Variants in NCKAP5 observed in about 807,000 individuals in gnomAD.
The protein encoded by NCKAP5 is nck-associated protein 5.
Under a neutral mutation model 167.0 loss-of-function variants are expected in NCKAP5, and 92 were observed. The ratio of observed to expected loss-of-function variants is 0.55; its 90% CI spans 0.47 to 0.66. NCKAP5 has a LOEUF of 0.66. NCKAP5 is among the 30% of genes least tolerant of loss of function. The pLI is 0.00. For synonymous variants in NCKAP5, 891 were observed against 877.4 expected, an observed-to-expected ratio of 1.02 and a Z score of -0.27; for missense variants, 2,378 against 2,315.0, an observed-to-expected ratio of 1.03 and a Z score of -0.56.
At chr2:133,586,068 G>A in the NCKAP5 span, among the ~76,000 whole-genome samples, 15 of 152,284 alleles carry the variant, frequency 9.9e-5, no homozygotes, top group South Asian at 6.2e-4. Flanking sequence ...CAGATTTGGC[G>A]TTTCCTTCTC....
At chr2:133,647,194 G>A in the NCKAP5 span, among the ~76,000 whole-genome samples, 1 of 151,786 alleles carries the variant, frequency 6.6e-6, no homozygotes, top group African/African-American at 2.4e-5. Flanking sequence ...AAATTCAGCT[G>A]GGCATGGTTG....
At chr2:133,321,245 C>T (rs1317686603) in intron 3 of NCKAP5, among the ~76,000 whole-genome samples, 1 of 152,194 alleles carries the variant, frequency 6.6e-6, no homozygotes, top group Non-Finnish European at 1.5e-5. Context: ...ATCCCACCCT[C>T]ACCCAATCTG....
intron 3 of NCKAP5, among the ~76,000 whole-genome samples, chr2:133,461,191 G>C (rs565492250): frequency 1.3e-5 from 2 of 152,190 alleles, no homozygotes; most frequent in African/African-American, 2.4e-5. Context: ...TGGGAGGAAG[G>C]ACCTCCAAAT....
intron 3 of NCKAP5, among the ~76,000 whole-genome samples, chr2:133,418,192 A>G (rs1226760951): frequency 6.6e-6 from 1 of 152,194 alleles, no homozygotes; most frequent in African/African-American, 2.4e-5. Flanking sequence ...ACCTTGCTTT[A>G]ATGATTTACT....
At chr2:132,972,670 G>T (rs1445033594) in intron 7 of NCKAP5, among the ~76,000 whole-genome samples, 2 of 152,020 alleles carry the variant, frequency 1.3e-5, no homozygotes, top group African/African-American at 4.8e-5. Flanking sequence ...GATCATCTTG[G>T]CCAACATGGT....
At chr2:133,008,678 T>A (rs1452542547) in intron 6 of NCKAP5, among the ~76,000 whole-genome samples, 1 of 152,176 alleles carries the variant, frequency 6.6e-6, no homozygotes, top group Non-Finnish European at 1.5e-5. Flanking sequence ...GCATGCTTGA[T>A]CTTTAGGAAC....
intron 6 of NCKAP5, among the ~76,000 whole-genome samples, chr2:133,050,084 C>G (rs574942772): frequency 6.6e-6 from 1 of 152,300 alleles, no homozygotes. Flanking sequence ...ACCCATTGTT[C>G]TTCCTGGTAA....
rs111841479 is a variant in NCKAP5, at chr2:133,197,222, C to T, written c.207+16494G>A. Reference sequence around the variant, plus strand: ...ATGAAGTACTATGCTTGCCTCTGAGCTACACCTATGTGGATCTGATCATAA... The same window carrying T: ...ATGAAGTACTATGCTTGCCTCTGAGTTACACCTATGTGGATCTGATCATAA... On this transcript the variant is annotated intron_variant, in intron 5 of 19. Coordinates refer to ENST00000409261, the MANE Select transcript of NCKAP5 (RefSeq NM_207363.3). 8.9e-4 allele frequency among the ~76,000 whole-genome samples: 136 copies of T among 152,260 alleles called. 1 individual carries two copies. The highest frequency in any genetic ancestry group is 3.2e-3 in the African/African-American group (133 of 41,556).
chr2:133,092,935 T>G (rs76422674), intron 6 of NCKAP5, among the ~76,000 whole-genome samples: 10,012 of 152,274 alleles, frequency 0.066, 1,069 homozygotes, highest in African/African-American at 0.22. Flanking sequence ...AAGGCAGCAG[T>G]ACTACACAGA....
chr2:133,316,671 G>A (rs910454551), intron 3 of NCKAP5, among the ~76,000 whole-genome samples: 2 of 152,200 alleles, frequency 1.3e-5, no homozygotes, highest in African/African-American at 4.8e-5. Context: ...CCCAAGAGGA[G>A]CGAACATTCC....
At chr2:133,306,975 A>G (rs1228552457) in intron 3 of NCKAP5, among the ~76,000 whole-genome samples, 3 of 152,216 alleles carry the variant, frequency 2.0e-5, no homozygotes, top group African/African-American at 7.2e-5. Flanking sequence ...ACCCATATCC[A>G]CATATCCCTT....
rs761126819 is a variant in NCKAP5, at chr2:132,758,602, T to A, written c.5128+15214A>T. Among the ~76,000 whole-genome samples, 70 of 152,164 alleles carry A rather than the reference T, an allele frequency of 4.6e-4. 1 individual carries two copies. The highest frequency in any genetic ancestry group is 8.1e-4 in the Non-Finnish European group (55 of 68,030). On this transcript the variant is annotated intron_variant, in intron 16 of 19. Transcript: ENST00000409261. ...TTTTAGCTCCTCCTCTGACACCTGA[T>A]ATGCTTCAGAATGATAACCTGAAAC...
intron 2 of NCKAP5, among the ~76,000 whole-genome samples, chr2:133,533,179 C>G (rs1326117652): frequency 6.6e-6 from 1 of 152,174 alleles, no homozygotes; most frequent in Non-Finnish European, 1.5e-5. Flanking sequence ...AACGTAAATG[C>G]GTGAAGCCGC....
intron 3 of NCKAP5, among the ~76,000 whole-genome samples, chr2:133,475,430 A>G (rs929453871): frequency 6.6e-6 from 1 of 152,224 alleles, no homozygotes; most frequent in African/African-American, 2.4e-5. Context: ...AACCATCTAC[A>G]TAAATGACAT....
At chr2:132,803,696 G>A (rs1015997814) in intron 11 of NCKAP5, among the ~76,000 whole-genome samples, 1 of 152,188 alleles carries the variant, frequency 6.6e-6, no homozygotes, top group East Asian at 1.9e-4. Flanking sequence ...GGATGAGGAT[G>A]AAAACAGCAG....
intron 3 of NCKAP5, among the ~76,000 whole-genome samples, chr2:133,488,737 G>A: frequency 6.6e-6 from 1 of 152,048 alleles, no homozygotes; most frequent in East Asian, 1.9e-4. Context: ...CCAACACGGT[G>A]AAACCCCTTC....
chr2:132,868,650 G>A lies in NCKAP5; in HGVS notation c.687+286C>T, dbSNP rs371003159. ...GGGAGAATTCACCAACTTATTGCAA[G>A]TTTGTATTTACTAAATAAAAATGGT... On this transcript the variant is annotated intron_variant, in intron 10 of 19. Transcript: ENST00000409261. Among the ~76,000 whole-genome samples the A allele has an allele frequency of 2.5e-4, 38 of 152,224 alleles. No homozygotes were observed. In the East Asian group the frequency reaches 6.0e-3, roughly 24 times the overall value.
At chr2:133,094,491 T>C (rs1032827838) in intron 6 of NCKAP5, among the ~76,000 whole-genome samples, 3 of 152,192 alleles carry the variant, frequency 2.0e-5, no homozygotes, top group African/African-American at 7.2e-5. Flanking sequence ...TTATTACAAA[T>C]TTAGTAGTCT....
intron 6 of NCKAP5, among the ~76,000 whole-genome samples, chr2:133,060,848 A>G (rs1373291307): frequency 6.6e-6 from 1 of 152,070 alleles, no homozygotes; most frequent in Non-Finnish European, 1.5e-5. Context: ...TTTTTGTGAC[A>G]TGCTCTTCCC....
Sources: gnomAD v4.1 joint callset for allele counts (sites outside exome capture counted in the v4.1 genomes callset) on GRCh38, gnomAD v4.1.1 for gene constraint, MANE v1.5 for transcripts, NCBI Gene and HGNC (gene_info 2026-07-23, HGNC 2026-07-21) for gene names.